The following ATXN10 variants were observed in gnomAD, a reference collection of about 807,000 sequenced individuals.
The protein encoded by ATXN10 is ataxin-10.
ATXN10 carries 28 observed loss-of-function variants against 52.9 expected under a neutral mutation model. That is an observed-to-expected ratio of 0.53 (90% CI 0.39 to 0.73). The LOEUF is 0.73. Among genes scored for constraint, ATXN10 ranks in the 30% least tolerant of loss-of-function variants. The pLI is 0.00. For synonymous variants in ATXN10, 226 were observed against 221.5 expected, an observed-to-expected ratio of 1.02 and a Z score of -0.18; for missense variants, 565 against 577.0, an observed-to-expected ratio of 0.98 and a Z score of 0.21.
rs1923047574 is a variant in ATXN10, at chr22:45,684,295, A to G, written c.117-5417A>G. ...TTAGCACAGTGCGTTTGTTCTGATGAAAGATGAATTTTCAATGTGATGAGG... is the reference window on the plus strand; with the variant it reads ...TTAGCACAGTGCGTTTGTTCTGATGGAAGATGAATTTTCAATGTGATGAGG... On this transcript the variant is annotated intron_variant, in intron 1 of 11. Coordinates refer to ENST00000252934, the MANE Select transcript of ATXN10 (RefSeq NM_013236.4). This position sits in a 1 kb window ranked among gnomAD's most constrained non-coding sequence, Gnocchi z 4.1. Among the ~76,000 whole-genome samples the G allele has an allele frequency of 6.6e-6, 1 of 152,118 alleles. No homozygotes were observed. The highest frequency in any genetic ancestry group is 1.5e-5 in the Non-Finnish European group (1 of 68,034).
At chr22:45,726,345 AC>A (rs1924870068) in intron 6 of ATXN10, among the ~76,000 whole-genome samples, 1 of 152,140 alleles carries the variant, frequency 6.6e-6, no homozygotes, top group South Asian at 2.1e-4. Flanking sequence ...ACTGGTTGTT[AC>A]TGGTCTGTTC....
chr22:45,813,900 T>C (rs1018708127), intron 10 of ATXN10, among the ~76,000 whole-genome samples: 2 of 152,176 alleles, frequency 1.3e-5, no homozygotes, highest in South Asian at 2.1e-4. Flanking sequence ...CCGAACAGAA[T>C]AGAATCCAGA....
chr22:45,717,745 C>T (rs1924500345), intron 5 of ATXN10, among the ~76,000 whole-genome samples: 1 of 152,110 alleles, frequency 6.6e-6, no homozygotes, highest in African/African-American at 2.4e-5. Flanking sequence ...TTACTATAAC[C>T]TGGTTATAAT....
In ATXN10 at chr22:45,682,950, T is replaced by C. The variant is rs1922989132; in HGVS notation, c.117-6762T>C. Among the ~76,000 whole-genome samples the C allele has an allele frequency of 5.9e-5, 9 of 152,208 alleles. No homozygotes were observed. The South Asian group carries it at 1.9e-3, about 31-fold the overall frequency. On this transcript the variant is annotated intron_variant, in intron 1 of 11. Coordinates refer to ENST00000252934, the MANE Select transcript of ATXN10 (RefSeq NM_013236.4). ...TCCTGCTGTCGTCTCTTTCTCCCTTTAAGATTGATTCTTTACAAAGCAGCC... is the reference window on the plus strand; with the variant it reads ...TCCTGCTGTCGTCTCTTTCTCCCTTCAAGATTGATTCTTTACAAAGCAGCC...
In ATXN10 at chr22:45,763,191, G is replaced by A. The variant is rs1041346399; in HGVS notation, c.1173+22653G>A. ...TGACTCTCAGTTGGGGAGGGCTGCCGGGCAGTGTTCTGGGGGCAGGGAGGT... is the reference window on the plus strand; with the variant it reads ...TGACTCTCAGTTGGGGAGGGCTGCCAGGCAGTGTTCTGGGGGCAGGGAGGT... On this transcript the variant is annotated intron_variant, in intron 9 of 11. Transcript: ENST00000252934. The surrounding 1 kb of genome is among the most constrained non-coding windows in gnomAD (Gnocchi z 6.9). Among the ~76,000 whole-genome samples the A allele has an allele frequency of 6.6e-5, 10 of 152,266 alleles. No homozygotes were observed. The highest frequency in any genetic ancestry group is 1.5e-4 in the Non-Finnish European group (10 of 68,012).
chr22:45,730,856 A>T (rs908147422), intron 7 of ATXN10, among the ~76,000 whole-genome samples: 4 of 152,230 alleles, frequency 2.6e-5, no homozygotes, highest in Non-Finnish European at 5.9e-5. Context: ...TGAAATTGCT[A>T]TGTATAAGGA....
chr22:45,797,557 G>A (rs1601653016), intron 9 of ATXN10, among the ~76,000 whole-genome samples: 1 of 152,166 alleles, frequency 6.6e-6, no homozygotes, highest in African/African-American at 2.4e-5. Context: ...GGATAAAGTA[G>A]TGTTTAGGAA....
At chr22:45,785,669 TG>T (rs760721211) in intron 9 of ATXN10, among the ~76,000 whole-genome samples, 6 of 152,204 alleles carry the variant, frequency 3.9e-5, no homozygotes, top group Non-Finnish European at 8.8e-5. Flanking sequence ...GCTGAGCAGG[TG>T]GCAGCGCCAG....
At chr22:45,793,497 T>C in intron 9 of ATXN10, 1 of 1,094,248 alleles carries the variant, frequency 9.1e-7, no homozygotes, top group Non-Finnish European at 1.2e-6. Context: ...CACTGCTCCT[T>C]CTGCTATTCT....
At chr22:45,751,740 GA>G (rs200364242) in intron 9 of ATXN10, among the ~76,000 whole-genome samples, 1 of 45,500 alleles carries the variant, frequency 2.2e-5, no homozygotes, top group Admixed American at 2.5e-4. Context: ...CCTTTTTCTG[GA>G]AAAAAAAAAA....
intron 10 of ATXN10, among the ~76,000 whole-genome samples, chr22:45,829,346 C>T (rs2146908061): frequency 6.6e-6 from 1 of 152,286 alleles, no homozygotes; most frequent in African/African-American, 2.4e-5. Context: ...CCACTTTCAT[C>T]ACTTTTATTC....
chr22:45,792,720 T>C (rs964274669), intron 9 of ATXN10: 1 of 399,256 alleles, frequency 2.5e-6, no homozygotes, highest in Admixed American at 3.1e-5. Flanking sequence ...AATTCAGTCT[T>C]TTTTATTTTT....
At chr22:45,752,739 ACTT>A (rs1926027175) in intron 9 of ATXN10, among the ~76,000 whole-genome samples, 2 of 147,876 alleles carry the variant, frequency 1.4e-5, no homozygotes, top group Admixed American at 6.7e-5. Context: ...TTTCAGATCC[ACTT>A]CTTTTTTTTT....
intron 10 of ATXN10, among the ~76,000 whole-genome samples, chr22:45,809,741 C>T (rs1012889399): frequency 2.6e-5 from 4 of 152,090 alleles, no homozygotes; most frequent in African/African-American, 7.2e-5. Flanking sequence ...ATTACAATGT[C>T]CTTGGTCAAA....
intron 10 of ATXN10, among the ~76,000 whole-genome samples, chr22:45,822,496 T>C (rs941982614): frequency 2.0e-5 from 3 of 151,950 alleles, no homozygotes; most frequent in African/African-American, 7.3e-5. Context: ...GAATATAATA[T>C]GTTGTGATTT....
chr22:45,815,009 G>A (rs934575783), intron 10 of ATXN10, among the ~76,000 whole-genome samples: 1 of 152,198 alleles, frequency 6.6e-6, no homozygotes, highest in African/African-American at 2.4e-5. Context: ...CAAAAAGGTT[G>A]GGGACTGCTG....
chr22:45,672,613 G>T (rs1922510583), intron 1 of ATXN10: 1 of 152,860 alleles, frequency 6.5e-6, no homozygotes. Flanking sequence ...CAGTTGCGGG[G>T]ATGGCAGTCT....
At chr22:45,707,775 C>T (rs769433028) in intron 5 of ATXN10, among the ~76,000 whole-genome samples, 24 of 151,670 alleles carry the variant, frequency 1.6e-4, no homozygotes, top group South Asian at 2.1e-4. Flanking sequence ...AGTCCAGGTG[C>T]GGAATACTTT....
At chr22:45,798,354 C>A (rs181786105) in intron 9 of ATXN10, among the ~76,000 whole-genome samples, 1 of 152,076 alleles carries the variant, frequency 6.6e-6, no homozygotes, top group Non-Finnish European at 1.5e-5. Flanking sequence ...TTATCTCAGC[C>A]GTGCACTGTT....
Sources: gnomAD v4.1 joint callset for allele counts (sites outside exome capture counted in the v4.1 genomes callset) on GRCh38, gnomAD v4.1.1 for gene constraint, Gnocchi (gnomAD v3.1) non-coding constraint, MANE v1.5 for transcripts, NCBI Gene and HGNC (gene_info 2026-07-23, HGNC 2026-07-21) for gene names.